The following SPMIP7 variants were observed in gnomAD, a reference collection of about 807,000 sequenced individuals.
SPMIP7 encodes sperm microtubule inner protein 7.
the SPMIP7 span, among the ~76,000 whole-genome samples, chr7:50,109,382 T>C: frequency 1.3e-5 from 2 of 150,398 alleles, no homozygotes; most frequent in Admixed American, 6.6e-5. Context: ...TTTATTTATT[T>C]ATTTATTTAT....
At chr7:50,140,029 C>A in the SPMIP7 span, 1 of 723,394 alleles carries the variant, frequency 1.4e-6, no homozygotes, top group Non-Finnish European at 2.2e-6. Flanking sequence ...AAGGACAATT[C>A]CTATGAGATA....
chr7:50,125,341 T>TATATATAC, the SPMIP7 span, among the ~76,000 whole-genome samples: 1 of 59,970 alleles, frequency 1.7e-5, no homozygotes, highest in Non-Finnish European at 2.7e-5. Flanking sequence ...TATATATACA[T>TATATATAC]ATATATACAC....
chr7:50,147,961 C>T, the SPMIP7 span, among the ~76,000 whole-genome samples: 3 of 152,130 alleles, frequency 2.0e-5, no homozygotes, highest in Non-Finnish European at 4.4e-5. Context: ...TTTGAACATG[C>T]GACTAACCTG....
the SPMIP7 span, chr7:50,136,194 C>T: frequency 6.9e-7 from 1 of 1,448,416 alleles, no homozygotes; most frequent in Non-Finnish European, 9.5e-7. Context: ...AGTTCTCACA[C>T]TAGGTTTCTC....
At chr7:50,112,394 T>A in the SPMIP7 span, among the ~76,000 whole-genome samples, 1 of 152,100 alleles carries the variant, frequency 6.6e-6, no homozygotes, top group South Asian at 2.1e-4. Context: ...AAGGAGACTA[T>A]CCTGTGCAAT....
the SPMIP7 span, among the ~76,000 whole-genome samples, chr7:50,117,715 G>C: frequency 1.3e-5 from 2 of 152,168 alleles, no homozygotes; most frequent in Non-Finnish European, 2.9e-5. Context: ...ACCAGGCAGG[G>C]TATGATCTTA....
the SPMIP7 span, among the ~76,000 whole-genome samples, chr7:50,125,670 A>G: frequency 0.52 from 78,232 of 150,556 alleles, 21,313 homozygotes; most frequent in East Asian, 0.73. Context: ...AAGAACTTCC[A>G]TTTACCACAA....
chr7:50,145,604 G>GTA, the SPMIP7 span, among the ~76,000 whole-genome samples: 62 of 50,806 alleles, frequency 1.2e-3, 3 homozygotes, highest in South Asian at 4.0e-3. Context: ...GTGTGTGTGT[G>GTA]TGTATATGTG....
At chr7:50,131,712 A>AG in the SPMIP7 span, among the ~76,000 whole-genome samples, 1 of 152,154 alleles carries the variant, frequency 6.6e-6, no homozygotes, top group African/African-American at 2.4e-5. Flanking sequence ...TTCAGGGAAG[A>AG]GTAGTGATTG....
chr7:50,151,012 T>A, the SPMIP7 span, among the ~76,000 whole-genome samples: 12 of 152,210 alleles, frequency 7.9e-5, no homozygotes, highest in Admixed American at 3.9e-4. Context: ...AAGAAAGATA[T>A]CTGATAAAAG....
chr7:50,133,582 C>T, the SPMIP7 span, among the ~76,000 whole-genome samples: 6 of 152,056 alleles, frequency 3.9e-5, no homozygotes, highest in Non-Finnish European at 8.8e-5. Flanking sequence ...TCTAGCAGTC[C>T]TGTAGGTCAG....
chr7:50,125,137 C>T, the SPMIP7 span, among the ~76,000 whole-genome samples: 12 of 38,904 alleles, frequency 3.1e-4, 1 homozygote, highest in African/African-American at 1.3e-3. Context: ...CACACACACA[C>T]ACACATATAC....
At chr7:50,120,264 C>A in the SPMIP7 span, 1 of 152,132 alleles carries the variant, frequency 6.6e-6, no homozygotes, top group South Asian at 2.1e-4. Context: ...TAACGAGGTT[C>A]CTGGATGCTC....
At chr7:50,103,545 G>A in the SPMIP7 span, among the ~76,000 whole-genome samples, 1 of 152,098 alleles carries the variant, frequency 6.6e-6, no homozygotes, top group Non-Finnish European at 1.5e-5. Flanking sequence ...CATTTTTTAA[G>A]AGGCTATACC....
chr7:50,114,509 CAGAAA>C, the SPMIP7 span, among the ~76,000 whole-genome samples: 3 of 150,710 alleles, frequency 2.0e-5, no homozygotes, highest in Admixed American at 6.6e-5. Context: ...ACAGCAACAA[CAGAAA>C]AGAAAAAAAT....
the SPMIP7 span, chr7:50,136,224 A>T: frequency 8.0e-7 from 1 of 1,252,228 alleles, no homozygotes; most frequent in Non-Finnish European, 1.1e-6. Context: ...TTTTGTAATT[A>T]AGAAGCTGAT....
chr7:50,096,142 C>A, the SPMIP7 span: 1 of 1,545,512 alleles, frequency 6.5e-7, no homozygotes, highest in South Asian at 1.2e-5. Context: ...AAAGGTCCAT[C>A]CTTTCAGGAA....
At chr7:50,122,346 GA>G in the SPMIP7 span, among the ~76,000 whole-genome samples, 1 of 150,574 alleles carries the variant, frequency 6.6e-6, no homozygotes, top group African/African-American at 2.4e-5. Flanking sequence ...ATGGTGCTGG[GA>G]AAACTGGCTA....
chr7:50,133,866 G>A, the SPMIP7 span, among the ~76,000 whole-genome samples: 3 of 151,990 alleles, frequency 2.0e-5, no homozygotes, highest in Admixed American at 6.6e-5. Context: ...ACCAATTAGG[G>A]ACCTTTACTA....
Sources: allele counts gnomAD v4.1 joint callset (sites outside exome capture counted in the v4.1 genomes callset), GRCh38; gene constraint gnomAD v4.1.1; transcripts MANE v1.5; gene names NCBI Gene and HGNC (gene_info 2026-07-23, HGNC 2026-07-21).